USP45: variants seen among roughly 807,000 people sequenced by gnomAD.
USP45 encodes ubiquitin carboxyl-terminal hydrolase 45.
Under a neutral mutation model 95.8 loss-of-function variants are expected in USP45, and 89 were observed. That is an observed-to-expected ratio of 0.93 (90% CI 0.78 to 1.11). The LOEUF (loss-of-function observed/expected upper bound fraction) is 1.11. Among genes scored for constraint, USP45 ranks in the 50% least tolerant of loss-of-function variants. The probability of loss-of-function intolerance (pLI) is 0.00; values close to 1 mark genes in which losing one functional copy is unlikely to be tolerated. For synonymous variants in USP45, 281 were observed against 316.2 expected, an observed-to-expected ratio of 0.89 and a Z score of 1.18; for missense variants, 898 against 942.5, an observed-to-expected ratio of 0.95 and a Z score of 0.62.
intron 8 of USP45, among the ~76,000 whole-genome samples, chr6:99,481,560 G>C (rs1200363100): frequency 6.6e-6 from 1 of 152,138 alleles, no homozygotes. Flanking sequence ...GTGCAGGTTT[G>C]TTATCTGGGT....
intron 9 of USP45, among the ~76,000 whole-genome samples, chr6:99,469,167 T>C (rs945319914): frequency 6.6e-6 from 1 of 152,092 alleles, no homozygotes; most frequent in African/African-American, 2.4e-5. Flanking sequence ...ATTTTAATTA[T>C]GGTTTTACTT....
intron 13 of USP45, among the ~76,000 whole-genome samples, chr6:99,454,697 T>C (rs1337363673): frequency 6.6e-6 from 1 of 152,152 alleles, no homozygotes; most frequent in African/African-American, 2.4e-5. Flanking sequence ...ATGGTTATTA[T>C]CAAAAAAGAC....
intron 13 of USP45, among the ~76,000 whole-genome samples, chr6:99,453,178 A>AAAG (rs1461351739): frequency 6.6e-6 from 1 of 151,580 alleles, no homozygotes; most frequent in Non-Finnish European, 1.5e-5. Context: ...AAAAAGAAAA[A>AAAG]AAAAAAAACA....
intron 9 of USP45, among the ~76,000 whole-genome samples, chr6:99,473,909 A>C (rs1790153153): frequency 6.6e-6 from 1 of 152,100 alleles, no homozygotes; most frequent in Non-Finnish European, 1.5e-5. Context: ...TAGGGACATA[A>C]ATCTAAATAG....
chr6:99,467,578 T>C, intron 10 of USP45, among the ~76,000 whole-genome samples: 1 of 152,098 alleles, frequency 6.6e-6, no homozygotes, highest in East Asian at 1.9e-4. Context: ...AAACATTAAT[T>C]AAAATTGTAT....
chr6:99,453,936 TG>T (rs1345966889), intron 13 of USP45, among the ~76,000 whole-genome samples: 7 of 152,244 alleles, frequency 4.6e-5, no homozygotes, highest in Admixed American at 1.3e-4. Flanking sequence ...AGTGGCACTC[TG>T]GCCTTGGCAA....
In USP45 at chr6:99,484,264, C is replaced by T. The variant is rs542415008; in HGVS notation, c.715-1381G>A. ...CTCACTGTAACTTCAAACTCTTGGA[C>T]CCAAGTGATCCTCCTGCTTCCACCT... On this transcript the variant is annotated intron_variant, in intron 7 of 17. Transcript: ENST00000500704. Among the ~76,000 whole-genome samples the T allele has an allele frequency of 8.9e-4, 135 of 151,688 alleles. 1 individual carries two copies. The highest frequency in any genetic ancestry group is 6.2e-4 in the South Asian group (3 of 4,806).
chr6:99,439,656 A>T (rs900529121), intron 16 of USP45, 113 bp downstream of exon 16: 2 of 680,308 alleles, frequency 2.9e-6, no homozygotes, highest in African/African-American at 1.9e-5. Context: ...GGCTATTAAA[A>T]TTCCCTTTCA....
At chr6:99,469,150 C>A in intron 9 of USP45, among the ~76,000 whole-genome samples, 1 of 151,940 alleles carries the variant, frequency 6.6e-6, no homozygotes, top group East Asian at 1.9e-4. Context: ...CAAGAAGAAT[C>A]CCCCAAATTT....
intron 13 of USP45, among the ~76,000 whole-genome samples, chr6:99,446,721 T>C (rs559156410): frequency 8.1e-4 from 123 of 152,288 alleles, no homozygotes; most frequent in African/African-American, 2.9e-3. Context: ...AGAACAGGGC[T>C]ATGAGGGAGA....
chr6:99,455,802 C>T, intron 13 of USP45, among the ~76,000 whole-genome samples: 1 of 125,836 alleles, frequency 7.9e-6, no homozygotes, highest in East Asian at 2.5e-4. Flanking sequence ...CCCATGTTCT[C>T]ACTCTTATGT....
chr6:99,435,946 G>T, intron 17 of USP45, 100 bp from the exon 18 acceptor site: 3 of 1,222,578 alleles, frequency 2.5e-6, no homozygotes, highest in South Asian at 2.0e-5. Flanking sequence ...TCTATCTAAT[G>T]CCAAATTTTA....
intron 13 of USP45, 86 bp downstream of exon 13, chr6:99,464,518 C>A: frequency 7.0e-7 from 1 of 1,434,530 alleles, no homozygotes; most frequent in Non-Finnish European, 9.3e-7. Context: ...GTTTATTACA[C>A]TATGTTCTCT....
At chr6:99,472,591 AAAAAAATAATTCTAGC>A (rs928852911) in intron 9 of USP45, among the ~76,000 whole-genome samples, 4 of 152,050 alleles carry the variant, frequency 2.6e-5, no homozygotes, top group African/African-American at 9.7e-5. Flanking sequence ...AATCATGGGG[AAAAAAATAATTCTAGC>A]AATTGATAAA....
intron 5 of USP45, among the ~76,000 whole-genome samples, chr6:99,495,624 G>A (rs1796131945): frequency 6.6e-6 from 1 of 152,136 alleles, no homozygotes; most frequent in Admixed American, 6.5e-5. Flanking sequence ...ATTATCTACT[G>A]TCTGTTATAA....
In USP45 at chr6:99,457,297, T is replaced by C. The variant is rs190499258; in HGVS notation, c.1308+7307A>G. On this transcript the variant is annotated intron_variant, in intron 13 of 17. Coordinates refer to ENST00000500704, the MANE Select transcript of USP45 (RefSeq NM_001346022.3). ...ACCTATTTGCACACTCCCTCCCCTT[T>C]TGAAAATCCCTAATAAAAACTTGCT... 8.5e-5 allele frequency among the ~76,000 whole-genome samples: 13 copies of C among 152,288 alleles called. No homozygotes were observed. The East Asian group carries it at 2.5e-3, about 29-fold the overall frequency.
At position 99,468,592 on chromosome 6, in the gene USP45, T is replaced by C. The variant is rs748255361; in HGVS notation, c.960A>G (p.Ala320=). The C allele has an allele frequency of 3.1e-6, 5 of 1,608,848 alleles. No homozygotes were observed. Among genetic ancestry groups the C allele is most frequent in the African/African-American group, 2.7e-5 (2 of 74,860 alleles). The stretch of plus-strand genomic sequence containing the variant: ...CAGTTTTAGTAGTTGGGTTGTTAAA[T>C]GCTTTTAGAATGCTAGCTTGTATTC... The part of the protein sequence containing the change: ...TKRIQASILK[A]FNNPTTKTAD... The change falls in exon 10 of 18, where the codon GCA becomes GCG. Residue 320 remains alanine, a synonymous_variant. Coordinates refer to ENST00000500704, the MANE Select transcript of USP45 (RefSeq NM_001346022.3).
intron 5 of USP45, among the ~76,000 whole-genome samples, chr6:99,491,765 T>C (rs1795223682): frequency 6.6e-6 from 1 of 152,174 alleles, no homozygotes; most frequent in Non-Finnish European, 1.5e-5. Context: ...TCTTTTTTTT[T>C]TTGGCTTCTT....
At chr6:99,454,431 G>A (rs1162099072) in intron 13 of USP45, among the ~76,000 whole-genome samples, 5 of 152,046 alleles carry the variant, frequency 3.3e-5, no homozygotes, top group Admixed American at 2.6e-4. Flanking sequence ...AAAAGCACAG[G>A]CAACAAAAAC....
Sources: gnomAD v4.1 joint callset for allele counts (sites outside exome capture counted in the v4.1 genomes callset) on GRCh38, gnomAD v4.1.1 for gene constraint, MANE v1.5 for transcripts, NCBI Gene and HGNC (gene_info 2026-07-23, HGNC 2026-07-21) for gene names.